The following LOXL3 variants were observed in gnomAD, a reference collection of about 807,000 sequenced individuals.
LOXL3 encodes lysyl oxidase like 3.
A neutral mutation model predicts 91.8 loss-of-function variants in LOXL3; 60 were observed. The ratio of observed to expected loss-of-function variants is 0.65; its 90% CI spans 0.53 to 0.81. The LOEUF is 0.81. Ranked by LOEUF, LOXL3 falls within the 30% of genes least tolerant of loss-of-function variation. The pLI is 0.00. For synonymous variants in LOXL3, 355 were observed against 387.6 expected (o/e 0.92, Z 0.99); for missense variants, 874 against 1,000.4 (o/e 0.87, Z 1.70).
Position 74,532,663 on chromosome 2 carries a change from T to C in LOXL3, c.*943A>G. On this transcript the variant is annotated 3_prime_UTR_variant, in exon 14 of 14. Transcript: ENST00000264094. ...CTTCGAGAACCAAGCTTTCCCGATG[T>C]TCAGCATGGTGTACTCATCCATAAA... 1 of 1,613,804 alleles carries C rather than the reference T, an allele frequency of 6.2e-7. No individual in the cohort carries two copies. Among genetic ancestry groups the C allele is most frequent in the Non-Finnish European group, 8.5e-7 (1 of 1,180,028 alleles).
At chr2:74,534,905 G>A (rs141724193) in intron 9 of LOXL3, 131 bp from the exon 10 acceptor site, 11,906 of 1,069,084 alleles carry the variant, frequency 0.011, 100 homozygotes, top group Non-Finnish European at 0.013. Context: ...TTGAGATGGA[G>A]TCTCACTCTG....
rs1676894095 is a variant in LOXL3 at position 74,549,944 on chromosome 2, C to T, written c.477+241G>A. 1.0e-6 allele frequency: 1 copy of T among 985,374 alleles called. No homozygotes were observed. Among genetic ancestry groups the T allele is most frequent in the Non-Finnish European group, 1.2e-6 (1 of 829,924 alleles). 61.0% of individuals were successfully genotyped at this position (985,374 alleles called of 1,614,324 possible). A position where few individuals can be genotyped will look rare whatever the true frequency, so the allele number is the denominator to read the frequency against. On this transcript the variant is annotated intron_variant, in intron 3 of 13. Transcript: ENST00000264094. The surrounding 1 kb of genome is among the most constrained non-coding windows in gnomAD (Gnocchi z 5.3). ...TGAGGAGAAGGAGAGCACCAGGTGC[C>T]CCAGGGGTGACTAGGGATGAAGCTG...
Position 74,535,777 on chromosome 2 carries a change from G to A in LOXL3, c.1249-22C>T. On this transcript the variant is annotated intron_variant, in intron 7 of 13. Coordinates refer to ENST00000264094, the MANE Select transcript of LOXL3 (RefSeq NM_032603.5). This position sits in a 1 kb window ranked among gnomAD's most constrained non-coding sequence, Gnocchi z 4.2. ...GGATCTGTAGTGACACAGAATGGAAGCGCTGGAGAAAGCTTTGGGGTGAGG... is the reference window on the plus strand; with the variant it reads ...GGATCTGTAGTGACACAGAATGGAAACGCTGGAGAAAGCTTTGGGGTGAGG... The A allele has an allele frequency of 1.3e-6, 2 of 1,537,710 alleles. No homozygotes were observed. Among genetic ancestry groups the A allele is most frequent in the Non-Finnish European group, 1.7e-6 (2 of 1,148,764 alleles).
upstream of LOXL3, chr2:74,555,170 G>T (rs1677342125): frequency 1.2e-6 from 2 of 1,612,508 alleles, no homozygotes; most frequent in Admixed American, 3.3e-5. This position sits in a 1 kb window ranked among gnomAD's most constrained non-coding sequence, Gnocchi z 6.1. Context: ...AGGAAGACCT[G>T]GGCCGTGCTC....
intron 2 of LOXL3, 38 bp downstream of exon 2, chr2:74,552,284 A>T (rs373926178): frequency 6.4e-7 from 1 of 1,564,098 alleles, no homozygotes; most frequent in South Asian, 1.2e-5. Context: ...TTGGCCACAC[A>T]TAGGAAATAT....
At chr2:74,548,413 C>T (rs1371878128) in intron 4 of LOXL3, among the ~76,000 whole-genome samples, 2 of 152,168 alleles carry the variant, frequency 1.3e-5, no homozygotes, top group African/African-American at 4.8e-5. Flanking sequence ...GAAGCTGCCG[C>T]AGTAGGAAGA....
At chr2:74,545,146 G>C (rs1676527594) in intron 4 of LOXL3, among the ~76,000 whole-genome samples, 1 of 152,164 alleles carries the variant, frequency 6.6e-6, no homozygotes, top group Non-Finnish European at 1.5e-5. Context: ...ATGGCTGCTG[G>C]TACCATCCTT....
At chr2:74,537,615 A>C (rs1676102008) in intron 4 of LOXL3, among the ~76,000 whole-genome samples, 1 of 152,256 alleles carries the variant, frequency 6.6e-6, no homozygotes, top group South Asian at 2.1e-4. Context: ...TGTGAACAAC[A>C]AAATGGCAAA....
At chr2:74,546,401 C>T (rs1385585364) in intron 4 of LOXL3, among the ~76,000 whole-genome samples, 3 of 152,186 alleles carry the variant, frequency 2.0e-5, no homozygotes, top group East Asian at 1.9e-4. Flanking sequence ...CCAGATGGCC[C>T]GCAGGATCTG....
chr2:74,555,035 C>G, upstream of LOXL3: 17 of 1,428,072 alleles, frequency 1.2e-5, no homozygotes, highest in Non-Finnish European at 1.6e-5. This position sits in a 1 kb window ranked among gnomAD's most constrained non-coding sequence, Gnocchi z 6.1. Context: ...AACTTCGCCC[C>G]CAACCCCGTT....
At chr2:74,543,900 C>CAAAAAA (rs960168777) in intron 4 of LOXL3, among the ~76,000 whole-genome samples, 74 of 64,922 alleles carry the variant, frequency 1.1e-3, no homozygotes, top group African/African-American at 3.1e-3. Flanking sequence ...GGCTCTGTCT[C>CAAAAAA]AAAAAAAAAA....
In LOXL3 at chr2:74,532,277, T is replaced by C. The variant is rs939647484; in HGVS notation, c.*1329A>G. The stretch of plus-strand genomic sequence containing the variant: ...ACCTGATTTCCTACTCCCATGTTTT[T>C]TATTTATGCTGTTCTTGTTTTATAT... On this transcript the variant is annotated 3_prime_UTR_variant, in exon 14 of 14. Coordinates refer to ENST00000264094, the MANE Select transcript of LOXL3 (RefSeq NM_032603.5). The C allele has an allele frequency of 1.7e-5, 8 of 479,104 alleles. No homozygotes were observed. The highest frequency in any genetic ancestry group is 2.7e-5 in the Non-Finnish European group (7 of 263,424). The allele number at this position is 479,104 out of a possible 1,614,324, so 29.7% of individuals were successfully genotyped here. A position where few individuals can be genotyped will look rare whatever the true frequency, so the allele number is the denominator to read the frequency against.
rs1294888908 is a variant in LOXL3, at chr2:74,533,111, C to G, written c.*495G>C. On this transcript the variant is annotated 3_prime_UTR_variant, in exon 14 of 14. Transcript: ENST00000264094. ...GGGCAGGTCCCTCCAACCACCAGCACTGACTCCTGGGCTCTGAAGAATCAC... is the reference window on the plus strand; with the variant it reads ...GGGCAGGTCCCTCCAACCACCAGCAGTGACTCCTGGGCTCTGAAGAATCAC... 1 of 794,338 alleles carries G rather than the reference C, an allele frequency of 1.3e-6. No individual in the cohort carries two copies. The highest frequency in any genetic ancestry group is 2.1e-6 in the Non-Finnish European group (1 of 467,432). The allele number at this position is 794,338 out of a possible 1,614,324, so 49.2% of individuals were successfully genotyped here. A position where few individuals can be genotyped will look rare whatever the true frequency, so the allele number is the denominator to read the frequency against.
chr2:74,552,866 C>A, intron 1 of LOXL3: 1 of 514,078 alleles, frequency 1.9e-6, no homozygotes, highest in Non-Finnish European at 3.4e-6. Flanking sequence ...CCTGAGAGAC[C>A]CAGAGATAAG....
intron 4 of LOXL3, among the ~76,000 whole-genome samples, chr2:74,547,676 A>G (rs1676681986): frequency 6.6e-6 from 1 of 151,998 alleles, no homozygotes; most frequent in Non-Finnish European, 1.5e-5. Flanking sequence ...TGACTTTCAA[A>G]AGAAAAAAAA....
At chr2:74,537,008 G>T in intron 4 of LOXL3, 80 bp from the exon 5 acceptor site, 1 of 1,105,368 alleles carries the variant, frequency 9.0e-7, no homozygotes, top group Non-Finnish European at 1.3e-6. Context: ...CCCACTTCAT[G>T]CCTCCACCAT....
Position 74,532,849 on chromosome 2 carries a change from T to C in LOXL3, c.*757A>G. ...GGTCTGCGGCCTGGTGATGTGATTT[T>C]GGCCATTGGGGAGCAGATGGTACAA... On this transcript the variant is annotated 3_prime_UTR_variant, in exon 14 of 14. Coordinates refer to ENST00000264094, the MANE Select transcript of LOXL3 (RefSeq NM_032603.5). 1.9e-6 allele frequency: 3 copies of C among 1,614,184 alleles called. No homozygotes were observed. The highest frequency in any genetic ancestry group is 2.5e-6 in the Non-Finnish European group (3 of 1,180,030).
Position 74,549,968 on chromosome 2 carries a change from T to C in LOXL3, c.477+217A>G, listed in dbSNP as rs1676895302. ...CCCCAGGGGTGACTAGGGATGAAGC[T>C]GGAGAGGCTCATGCCAGGTTTAGCC... On this transcript the variant is annotated intron_variant, in intron 3 of 13. Transcript: ENST00000264094. This position sits in a 1 kb window ranked among gnomAD's most constrained non-coding sequence, Gnocchi z 5.3. 2 of 985,364 alleles carry C rather than the reference T, an allele frequency of 2.0e-6. No individual in the cohort carries two copies. Among genetic ancestry groups the C allele is most frequent in the South Asian group, 9.4e-5 (2 of 21,296 alleles). The allele number at this position is 985,364 out of a possible 1,614,324, so 61.0% of individuals were successfully genotyped here. A position where few individuals can be genotyped will look rare whatever the true frequency, so the allele number is the denominator to read the frequency against.
chr2:74,550,655 G>A (rs1414520155), intron 2 of LOXL3, among the ~76,000 whole-genome samples: 1 of 152,138 alleles, frequency 6.6e-6, no homozygotes, highest in Non-Finnish European at 1.5e-5. Context: ...AATTAATCAG[G>A]TACCTACTGT....
Sources: gnomAD v4.1 joint callset for allele counts (sites outside exome capture counted in the v4.1 genomes callset) on GRCh38, gnomAD v4.1.1 for gene constraint, Gnocchi (gnomAD v3.1) non-coding constraint, MANE v1.5 for transcripts, NCBI Gene and HGNC (gene_info 2026-07-23, HGNC 2026-07-21) for gene names.